RPS6KC1: variants seen among roughly 807,000 people sequenced by gnomAD.
RPS6KC1 encodes the protein inactive ribosomal protein S6 kinase delta-1.
In RPS6KC1, 54 loss-of-function variants were observed where a neutral mutation model predicts 103.8. The observed-to-expected ratio is 0.52, with a 90% confidence interval of 0.42 to 0.65. RPS6KC1 has a LOEUF of 0.65. RPS6KC1 is among the 30% of genes least tolerant of loss of function. The pLI, the probability that RPS6KC1 is intolerant of heterozygous loss-of-function variation, is 0.00. For missense variants in RPS6KC1, 1,151 were observed against 1,253.8 expected (o/e 0.92, Z 1.24); for synonymous variants, 439 against 438.7 (o/e 1.00, Z -0.01).
the RPS6KC1 span, among the ~76,000 whole-genome samples, chr1:213,602,267 T>C: frequency 1.3e-4 from 18 of 139,750 alleles, no homozygotes; most frequent in South Asian, 1.6e-3. Context: ...TTTTTTCTTT[T>C]TTTTTTTTCC....
chr1:213,662,427 A>ATTT, the RPS6KC1 span, among the ~76,000 whole-genome samples: 154 of 67,102 alleles, frequency 2.3e-3, 3 homozygotes, highest in Non-Finnish European at 3.3e-3. Context: ...ACACCTGGCT[A>ATTT]ATTTTTTTTT....
At chr1:213,861,904 C>T in the RPS6KC1 span, among the ~76,000 whole-genome samples, 1 of 152,192 alleles carries the variant, frequency 6.6e-6, no homozygotes, top group East Asian at 1.9e-4. Context: ...CTTTTTGCTC[C>T]CCGGGCTCCC....
the RPS6KC1 span, among the ~76,000 whole-genome samples, chr1:213,828,046 G>A: frequency 6.6e-6 from 1 of 152,146 alleles, no homozygotes; most frequent in African/African-American, 2.4e-5. Context: ...GGCTTGAAAA[G>A]CTCTAATTTT....
At chr1:213,739,076 A>T in the RPS6KC1 span, among the ~76,000 whole-genome samples, 2 of 152,074 alleles carry the variant, frequency 1.3e-5, no homozygotes, top group Admixed American at 6.6e-5. Flanking sequence ...GCATGGGTCC[A>T]CTTAGGTGAG....
chr1:213,646,992 G>T, the RPS6KC1 span, among the ~76,000 whole-genome samples: 1 of 152,010 alleles, frequency 6.6e-6, no homozygotes, highest in Non-Finnish European at 1.5e-5. Context: ...CCACCTCCCA[G>T]GTTCAAGTGA....
chr1:213,196,797 T>C (rs1304388451), intron 8 of RPS6KC1, among the ~76,000 whole-genome samples: 3 of 152,200 alleles, frequency 2.0e-5, no homozygotes, highest in African/African-American at 7.2e-5. Flanking sequence ...GCTGTAAATA[T>C]TTGGCTTTAT....
the RPS6KC1 span, among the ~76,000 whole-genome samples, chr1:213,323,367 G>A: frequency 2.4e-3 from 364 of 152,312 alleles, no homozygotes; most frequent in African/African-American, 8.4e-3. Context: ...GAAGCACGAA[G>A]GCAGGTGCAG....
chr1:213,383,383 C>T, the RPS6KC1 span, among the ~76,000 whole-genome samples: 6 of 152,204 alleles, frequency 3.9e-5, no homozygotes, highest in African/African-American at 1.4e-4. Flanking sequence ...CCTCGAGGGG[C>T]TCTTTGGGAG....
At chr1:213,233,315 A>G (rs990231568) in intron 10 of RPS6KC1, among the ~76,000 whole-genome samples, 10 of 152,138 alleles carry the variant, frequency 6.6e-5, no homozygotes, top group African/African-American at 2.4e-4. Context: ...TAACTAATTC[A>G]CCTTTGTTCA....
At chr1:213,098,116 G>A (rs1048640549) in intron 3 of RPS6KC1, among the ~76,000 whole-genome samples, 1 of 152,006 alleles carries the variant, frequency 6.6e-6, no homozygotes, top group Admixed American at 6.6e-5. Context: ...AACATTTCTT[G>A]GTTTGTGTTA....
At chr1:213,196,065 G>T (rs1159836149) in intron 8 of RPS6KC1, among the ~76,000 whole-genome samples, 1 of 152,030 alleles carries the variant, frequency 6.6e-6, no homozygotes, top group South Asian at 2.1e-4. Flanking sequence ...TGCTGTTTTC[G>T]ATAATGGTTA....
At chr1:213,788,077 A>G in the RPS6KC1 span, among the ~76,000 whole-genome samples, 3 of 152,304 alleles carry the variant, frequency 2.0e-5, no homozygotes, top group Admixed American at 2.0e-4. Context: ...AGGTTACCAG[A>G]TCCAATAGTC....
chr1:213,326,203 G>GA, the RPS6KC1 span, among the ~76,000 whole-genome samples: 47 of 138,604 alleles, frequency 3.4e-4, no homozygotes, highest in Non-Finnish European at 5.4e-4. Context: ...ATAAATAAGA[G>GA]AAAAAAAAAG....
At chr1:213,266,370 G>T (rs1025429710) in intron 14 of RPS6KC1, among the ~76,000 whole-genome samples, 5 of 152,130 alleles carry the variant, frequency 3.3e-5, no homozygotes, top group Non-Finnish European at 7.4e-5. Context: ...CTATATATTG[G>T]ACTACAAATG....
At chr1:213,386,415 C>T in the RPS6KC1 span, among the ~76,000 whole-genome samples, 5 of 152,292 alleles carry the variant, frequency 3.3e-5, no homozygotes, top group African/African-American at 9.6e-5. Flanking sequence ...GGGTTGTTAC[C>T]GTACCTCCCT....
chr1:213,813,167 C>A, the RPS6KC1 span, among the ~76,000 whole-genome samples: 1 of 152,036 alleles, frequency 6.6e-6, no homozygotes, highest in Non-Finnish European at 1.5e-5. Context: ...AGGAGAATCA[C>A]TTGAACCCGG....
chr1:213,557,107 A>G, the RPS6KC1 span, among the ~76,000 whole-genome samples: 1 of 152,072 alleles, frequency 6.6e-6, no homozygotes, highest in African/African-American at 2.4e-5. Flanking sequence ...CCCAAACTAG[A>G]TGGCTCCTCA....
At chr1:213,477,328 T>A in the RPS6KC1 span, among the ~76,000 whole-genome samples, 19 of 152,192 alleles carry the variant, frequency 1.2e-4, no homozygotes, top group East Asian at 3.5e-3. Flanking sequence ...GCAATGGAGA[T>A]CTTCAAATCT....
At chr1:213,758,049 C>T in the RPS6KC1 span, among the ~76,000 whole-genome samples, 11 of 152,168 alleles carry the variant, frequency 7.2e-5, no homozygotes, top group African/African-American at 2.7e-4. Flanking sequence ...TGCACCTGGC[C>T]ACCCAAGAAC....
Sources: allele counts gnomAD v4.1 joint callset (sites outside exome capture counted in the v4.1 genomes callset), GRCh38; gene constraint gnomAD v4.1.1; transcripts MANE v1.5; gene names NCBI Gene and HGNC (gene_info 2026-07-23, HGNC 2026-07-21).